SRSF10: variants seen among roughly 807,000 people sequenced by gnomAD.
SRSF10 encodes serine and arginine rich splicing factor 10.
SRSF10 carries 9 observed loss-of-function variants against 32.6 expected under a neutral mutation model. The ratio of observed to expected loss-of-function variants is 0.28; its 90% CI spans 0.17 to 0.48. SRSF10 has a LOEUF of 0.48. Ranked by LOEUF, SRSF10 falls within the 20% of genes least tolerant of loss-of-function variation. SRSF10 has a pLI of 0.99. For synonymous variants in SRSF10, 105 were observed against 112.4 expected (o/e 0.93, Z 0.42); for missense variants, 201 against 331.8 (o/e 0.61, Z 3.06).
rs1642378971 is a variant in SRSF10, at chr1:23,980,217, G to A, written c.39C>T (p.Phe13=). The change falls in exon 1 of 6, where the codon TTC becomes TTT. Residue 13 remains phenylalanine (F), a synonymous_variant. Coordinates refer to ENST00000492112, the MANE Select transcript of SRSF10 (RefSeq NM_054016.4). ...TGGTGTCGTCGGCCACGTTCCTGACGAACAGAGACGTGTTGGGGGGACGCA... is the reference window on the plus strand; with the variant it reads ...TGGTGTCGTCGGCCACGTTCCTGACAAACAGAGACGTGTTGGGGGGACGCA... ...RYLRPPNTSL[F]VRNVADDTRS... The A allele has an allele frequency of 2.0e-6, 3 of 1,529,190 alleles. No homozygotes were observed. Among genetic ancestry groups the A allele is most frequent in the South Asian group, 1.2e-5 (1 of 83,020 alleles). The allele number at this position is 1,529,190 out of a possible 1,614,324, so 94.7% of individuals were successfully genotyped here. A position where few individuals can be genotyped will look rare whatever the true frequency, so the allele number is the denominator to read the frequency against.
intron 2 of SRSF10, 99 bp from the exon 3 acceptor site, chr1:23,975,176 T>C (rs879114840): frequency 3.1e-6 from 3 of 962,938 alleles, no homozygotes; most frequent in East Asian, 2.4e-5. Context: ...CCCAATATTA[T>C]TCCAGAACAT....
At chr1:23,971,668 A>G in intron 4 of SRSF10, 42 bp from the exon 5 acceptor site, 3 of 1,591,144 alleles carry the variant, frequency 1.9e-6, no homozygotes, top group Non-Finnish European at 2.6e-6. Context: ...ATATCTATTC[A>G]TAGAGGCAAA....
chr1:23,974,513 C>T (rs1326588899), intron 3 of SRSF10, among the ~76,000 whole-genome samples: 1 of 152,180 alleles, frequency 6.6e-6, no homozygotes, highest in Non-Finnish European at 1.5e-5. Flanking sequence ...ATTCAAGATA[C>T]TCCATTTTCT....
intron 1 of SRSF10, 75 bp from the exon 2 acceptor site, chr1:23,978,892 G>T: frequency 7.5e-7 from 1 of 1,328,308 alleles, no homozygotes; most frequent in South Asian, 1.6e-5. Flanking sequence ...TCTTTTTGAT[G>T]AAGGAAAGCT....
rs974398608 is a variant in SRSF10 at position 23,968,025 on chromosome 1, T to C, written c.*3117A>G. On this transcript the variant is annotated 3_prime_UTR_variant, in exon 6 of 6. Coordinates refer to ENST00000492112, the MANE Select transcript of SRSF10 (RefSeq NM_054016.4). ...GAGAGGTGAAGTGTGTCAGCCCTCA[T>C]TTGAGTGTTGATATAACCATTCTAT... 11 of 1,533,358 alleles carry C rather than the reference T, an allele frequency of 7.2e-6. No individual in the cohort carries two copies. In the Admixed American group the frequency reaches 1.8e-4, roughly 25 times the overall value. 95.0% of individuals were successfully genotyped at this position (1,533,358 alleles called of 1,614,324 possible). A position where few individuals can be genotyped will look rare whatever the true frequency, so the allele number is the denominator to read the frequency against.
At chr1:23,972,926 G>C (rs1641861095) in intron 3 of SRSF10, among the ~76,000 whole-genome samples, 1 of 152,138 alleles carries the variant, frequency 6.6e-6, no homozygotes, top group African/African-American at 2.4e-5. Context: ...TTTTAGTGCA[G>C]ACAGGGTTTC....
intron 3 of SRSF10, among the ~76,000 whole-genome samples, chr1:23,973,556 G>C (rs1478830302): frequency 5.3e-5 from 8 of 151,980 alleles, no homozygotes; most frequent in Non-Finnish European, 1.2e-4. Context: ...CCTGGGCTCA[G>C]GCAATTCTCC....
intron 2 of SRSF10, chr1:23,977,904 A>T: frequency 1.0e-6 from 1 of 981,452 alleles, no homozygotes; most frequent in Non-Finnish European, 1.2e-6. Flanking sequence ...GTTATTCTGT[A>T]GGATACATCA....
chr1:23,964,540 C>T lies in SRSF10; in HGVS notation c.*6602G>A, dbSNP rs1641363437. Among the ~76,000 whole-genome samples, 2 of 151,942 alleles carry T rather than the reference C, an allele frequency of 1.3e-5. No individual in the cohort carries two copies. Among genetic ancestry groups the T allele is most frequent in the African/African-American group, 4.8e-5 (2 of 41,418 alleles). ...TGTCTTCTTTTCGATGGCAGTTATACTATGATGGAATCCAGGTCCAAAACC... is the reference window on the plus strand; with the variant it reads ...TGTCTTCTTTTCGATGGCAGTTATATTATGATGGAATCCAGGTCCAAAACC... On this transcript the variant is annotated 3_prime_UTR_variant, in exon 6 of 6. Transcript: ENST00000492112.
At position 23,971,559 on chromosome 1, in the gene SRSF10, GC is replaced by G. The variant is rs1641753538; in HGVS notation, c.491+13del. The G allele has an allele frequency of 6.2e-7, 1 of 1,606,502 alleles. No homozygotes were observed. Among genetic ancestry groups the G allele is most frequent in the Admixed American group, 1.7e-5 (1 of 58,848 alleles). On this transcript the variant is annotated intron_variant, in intron 5 of 5. Coordinates refer to ENST00000492112, the MANE Select transcript of SRSF10 (RefSeq NM_054016.4). ...AAAAAATACATGAGTCTTTTTCAAA[GC>G]AAAGTTATTTACCTATCATTGTCGG...
chr1:23,978,641 G>A (rs1374426153), intron 2 of SRSF10, 72 bp downstream of exon 2: 2 of 1,525,632 alleles, frequency 1.3e-6, no homozygotes, highest in African/African-American at 2.8e-5. Flanking sequence ...CTTTTTAGAT[G>A]TTACCACTTA....
Position 23,980,271 on chromosome 1 carries a change from C to T in SRSF10, c.-16G>A. 1.4e-6 allele frequency: 2 copies of T among 1,475,898 alleles called. No individual in the cohort carries two copies. Among genetic ancestry groups the T allele is most frequent in the South Asian group, 2.6e-5 (2 of 77,634 alleles). 91.4% of individuals were successfully genotyped at this position (1,475,898 alleles called of 1,614,324 possible). ...AGCGGGACATGGCGGCGGCGTGTCT[C>T]GGCCGGGCGCACTAACGGGCTCAGC... On this transcript the variant is annotated 5_prime_UTR_variant, in exon 1 of 6. Coordinates refer to ENST00000492112, the MANE Select transcript of SRSF10 (RefSeq NM_054016.4).
chr1:23,979,561 T>C (rs1200052227), intron 1 of SRSF10, among the ~76,000 whole-genome samples: 1 of 152,194 alleles, frequency 6.6e-6, no homozygotes, highest in Non-Finnish European at 1.5e-5. Context: ...AACGTCCTAA[T>C]GACTGACGCT....
At chr1:23,977,466 AGTT>A (rs1642161194) in intron 2 of SRSF10, 2 of 152,210 alleles carry the variant, frequency 1.3e-5, no homozygotes, top group South Asian at 4.1e-4. Context: ...AAGTTAAAGA[AGTT>A]AAGGGTTTAT....
rs755008437 is a variant in SRSF10 at position 23,974,957 on chromosome 1, G to A, written c.274+17C>T. On this transcript the variant is annotated intron_variant, in intron 3 of 5. Transcript: ENST00000492112. ...AAAAAATAATGTTTCATACATATCA[G>A]GCATAAGGGTACTTACTCTTTCGAT... The A allele has an allele frequency of 1.3e-6, 2 of 1,545,344 alleles. No homozygotes were observed. The highest frequency in any genetic ancestry group is 2.2e-5 in the South Asian group (2 of 89,452).
chr1:23,974,506 C>T (rs969620516), intron 3 of SRSF10, among the ~76,000 whole-genome samples: 3 of 152,192 alleles, frequency 2.0e-5, no homozygotes, highest in Non-Finnish European at 2.9e-5. Context: ...ATGAAATATT[C>T]AAGATACTCC....
At chr1:23,978,045 AAAC>A in intron 2 of SRSF10, 2 of 985,442 alleles carry the variant, frequency 2.0e-6, no homozygotes, top group Non-Finnish European at 2.4e-6. Context: ...TAACTTTGAA[AAAC>A]AACCTTTTCC....
At position 23,967,215 on chromosome 1, in the gene SRSF10, G is replaced by A. The variant is rs1274399119; in HGVS notation, c.*3927C>T. The A allele has an allele frequency of 6.4e-6, 1 of 155,866 alleles. No individual in the cohort carries two copies. The highest frequency in any genetic ancestry group is 2.4e-5 in the African/African-American group (1 of 41,496). 9.7% of individuals were successfully genotyped at this position (155,866 alleles called of 1,614,324 possible). A position where few individuals can be genotyped will look rare whatever the true frequency, so the allele number is the denominator to read the frequency against. On this transcript the variant is annotated 3_prime_UTR_variant, in exon 6 of 6. Transcript: ENST00000492112. ...AGATGCCAACAAAGCAAATGATTAA[G>A]CAGAAAACACTGGCACCAAAATAAA...
Position 23,967,122 on chromosome 1 carries a change from G to A in SRSF10, c.*4020C>T, listed in dbSNP as rs34913096. On this transcript the variant is annotated 3_prime_UTR_variant, in exon 6 of 6. Transcript: ENST00000492112. ...TCTTAGCTGGATGTCAAATATAATT[G>A]GAATTTACCTGGGAAGGAGTAGTTA... The A allele has an allele frequency of 0.077, 11,664 of 152,284 alleles. 788 individuals carry two copies. Among genetic ancestry groups the A allele is most frequent in the African/African-American group, 0.18 (7,466 of 41,498 alleles). The allele number at this position is 152,284 out of a possible 1,614,324, so 9.4% of individuals were successfully genotyped here. A position where few individuals can be genotyped will look rare whatever the true frequency, so the allele number is the denominator to read the frequency against.
Sources: allele counts gnomAD v4.1 joint callset (sites outside exome capture counted in the v4.1 genomes callset), GRCh38; gene constraint gnomAD v4.1.1; transcripts MANE v1.5; gene names NCBI Gene and HGNC (gene_info 2026-07-23, HGNC 2026-07-21).